SP4: variants seen among roughly 807,000 people sequenced by gnomAD.
SP4 encodes the protein Sp4 transcription factor.
In SP4, 19 loss-of-function variants were observed where a neutral mutation model predicts 72.8. The observed-to-expected ratio is 0.26, with a 90% CI of 0.18 to 0.38. SP4 has a LOEUF of 0.38. SP4 is among the 10% of genes least tolerant of loss of function. The pLI, the probability that SP4 is intolerant of heterozygous loss-of-function variation, is 1.00. For missense variants in SP4, 1,008 were observed against 926.3 expected (o/e 1.09, Z -1.14); for synonymous variants, 395 against 333.1 (o/e 1.19, Z -2.02).
intron 3 of SP4, among the ~76,000 whole-genome samples, chr7:21,453,510 C>G (rs892749839): frequency 6.6e-6 from 1 of 152,148 alleles, no homozygotes; most frequent in Non-Finnish European, 1.5e-5. Context: ...CTAGTCATAT[C>G]AGAATTGTAG....
chr7:21,473,226 G>T (rs1032470323), intron 3 of SP4, among the ~76,000 whole-genome samples: 5 of 152,148 alleles, frequency 3.3e-5, no homozygotes, highest in African/African-American at 1.2e-4. Context: ...GAGCTGTTAG[G>T]CAGTAGTGTC....
chr7:21,478,928 CATGGTAGCG>C (rs1299846685), intron 4 of SP4, among the ~76,000 whole-genome samples: 31 of 151,926 alleles, frequency 2.0e-4, no homozygotes, highest in African/African-American at 6.8e-4. Context: ...ATTAGCCAAG[CATGGTAGCG>C]CATGCTTGTA....
chr7:21,438,736 T>C (rs1783132896), intron 3 of SP4, among the ~76,000 whole-genome samples: 1 of 152,202 alleles, frequency 6.6e-6, no homozygotes, highest in African/African-American at 2.4e-5. Flanking sequence ...TTACATGCCT[T>C]TCTGAGTAGT....
At chr7:21,487,660 A>G (rs890674461) in intron 5 of SP4, among the ~76,000 whole-genome samples, 5 of 151,418 alleles carry the variant, frequency 3.3e-5, no homozygotes, top group African/African-American at 7.3e-5. Flanking sequence ...TGTTTCCTCC[A>G]GGATGATTTT....
chr7:21,452,769 ATACTT>A (rs1327453117), intron 3 of SP4, among the ~76,000 whole-genome samples: 2 of 151,524 alleles, frequency 1.3e-5, no homozygotes, highest in Non-Finnish European at 1.5e-5. Flanking sequence ...TTATAGGAGT[ATACTT>A]TACTCATTAT....
intron 3 of SP4, chr7:21,471,233 G>A (rs866449495): frequency 9.5e-6 from 4 of 422,824 alleles, no homozygotes; most frequent in Middle Eastern, 4.4e-4. Flanking sequence ...TATTGTGAAT[G>A]TATGGAGGGC....
At chr7:21,487,524 T>G (rs1311901728) in intron 5 of SP4, among the ~76,000 whole-genome samples, 2 of 152,034 alleles carry the variant, frequency 1.3e-5, no homozygotes, top group African/African-American at 4.8e-5. Flanking sequence ...TTGAATTGCA[T>G]TTTAATTTCC....
intron 3 of SP4, among the ~76,000 whole-genome samples, chr7:21,431,067 T>A (rs1018285181): frequency 6.6e-5 from 10 of 152,236 alleles, no homozygotes; most frequent in Admixed American, 2.6e-4. Flanking sequence ...GTTAGTTTTT[T>A]AAAAAGTATT....
At chr7:21,487,205 T>G (rs996403940) in intron 5 of SP4, among the ~76,000 whole-genome samples, 2 of 152,194 alleles carry the variant, frequency 1.3e-5, no homozygotes, top group Non-Finnish European at 2.9e-5. Flanking sequence ...CTTCTTGAAG[T>G]GCCCCTGTTT....
At chr7:21,455,046 A>G (rs1783719130) in intron 3 of SP4, among the ~76,000 whole-genome samples, 1 of 152,198 alleles carries the variant, frequency 6.6e-6, no homozygotes, top group Admixed American at 6.5e-5. Context: ...GTTGATGGCA[A>G]CAATGTCTGA....
intron 3 of SP4, among the ~76,000 whole-genome samples, chr7:21,445,879 C>CA (rs1417878405): frequency 6.6e-6 from 1 of 151,780 alleles, no homozygotes; most frequent in African/African-American, 2.4e-5. Context: ...TTACATTTTG[C>CA]AAGAGTTTGA....
At position 21,429,311 on chromosome 7, in the gene SP4, C is replaced by T; in HGVS notation, c.146C>T (p.Ala49Val). The T allele has an allele frequency of 6.3e-7, 1 of 1,578,812 alleles. No homozygotes were observed. Among genetic ancestry groups the T allele is most frequent in the Non-Finnish European group, 8.6e-7 (1 of 1,157,726 alleles). The change falls in exon 3 of 6, where the codon GCT becomes GTT. Residue 49 changes from alanine to valine, a missense_variant. By Grantham distance (64) the Ala-to-Val change is moderately conservative (BLOSUM62 0). Coordinates refer to ENST00000222584, the MANE Select transcript of SP4 (RefSeq NM_003112.5). ...TAGGACTCTCAGCCCTCTCCTCTGG[C>T]TTTACTGGCAGCTACTTGCAGCAAA... The part of the protein sequence containing the change: ...GSQDSQPSPL[A>V]LLAATCSKIG...
At chr7:21,432,035 A>C (rs957109605) in intron 3 of SP4, among the ~76,000 whole-genome samples, 2 of 152,242 alleles carry the variant, frequency 1.3e-5, no homozygotes, top group African/African-American at 4.8e-5. Context: ...GGCCAGCGCT[A>C]TCCAGCAGAA....
intron 3 of SP4, among the ~76,000 whole-genome samples, chr7:21,460,814 T>C (rs2128401968): frequency 2.0e-5 from 3 of 152,300 alleles, no homozygotes; most frequent in East Asian, 3.9e-4. Context: ...CACAGAATGC[T>C]GATTGGTGCA....
intron 3 of SP4, among the ~76,000 whole-genome samples, chr7:21,455,872 T>G (rs1783748382): frequency 6.6e-6 from 1 of 152,196 alleles, no homozygotes. Context: ...TTTCTCAGAT[T>G]CCCATTTTCC....
At chr7:21,451,524 G>C (rs2128398767) in intron 3 of SP4, among the ~76,000 whole-genome samples, 1 of 152,262 alleles carries the variant, frequency 6.6e-6, no homozygotes, top group South Asian at 2.1e-4. Flanking sequence ...TGACAGGGAT[G>C]ATGGTGGTTG....
chr7:21,469,204 TAGA>T (rs776519374), intron 3 of SP4, among the ~76,000 whole-genome samples: 21 of 151,872 alleles, frequency 1.4e-4, no homozygotes, highest in Non-Finnish European at 2.8e-4. Flanking sequence ...ATTAATAACT[TAGA>T]AGTACTTATA....
intron 3 of SP4, among the ~76,000 whole-genome samples, chr7:21,453,820 A>G (rs1333769520): frequency 6.6e-6 from 1 of 152,186 alleles, no homozygotes; most frequent in Non-Finnish European, 1.5e-5. Flanking sequence ...TACCCCTTTA[A>G]TGTTAGCTAA....
chr7:21,488,585 C>T lies in SP4; in HGVS notation c.2107+6462C>T, dbSNP rs149691870. On this transcript the variant is annotated intron_variant, in intron 5 of 5. Transcript: ENST00000222584. ...TAAACAAACACATGTAATCATGCTGCTCTCTTAAACTTTAAAGGGTTACAT... is the reference window on the plus strand; with the variant it reads ...TAAACAAACACATGTAATCATGCTGTTCTCTTAAACTTTAAAGGGTTACAT... Among the ~76,000 whole-genome samples, 376 of 149,892 alleles carry T rather than the reference C, an allele frequency of 2.5e-3. 4 individuals carry two copies. The highest frequency in any genetic ancestry group is 9.9e-4 in the East Asian group (5 of 5,040).
Sources: allele counts gnomAD v4.1 joint callset (sites outside exome capture counted in the v4.1 genomes callset), GRCh38; gene constraint gnomAD v4.1.1; transcripts MANE v1.5; gene names NCBI Gene and HGNC (gene_info 2026-07-23, HGNC 2026-07-21).